ERBB4: variants seen among roughly 807,000 people sequenced by gnomAD.
The protein encoded by ERBB4 is receptor tyrosine-protein kinase erbB-4.
ERBB4 carries 42 observed loss-of-function variants against 158.0 expected under a neutral mutation model. The ratio of observed to expected loss-of-function variants is 0.27; its 90% CI spans 0.21 to 0.34. The LOEUF (loss-of-function observed/expected upper bound fraction) is 0.34. ERBB4 is among the 10% of genes least tolerant of loss of function. The probability of loss-of-function intolerance (pLI) is 1.00; values close to 1 mark genes in which losing one functional copy is unlikely to be tolerated. For synonymous variants in ERBB4, 583 were observed against 558.7 expected, an observed-to-expected ratio of 1.04 and a Z score of -0.61; for missense variants, 1,333 against 1,624.1, an observed-to-expected ratio of 0.82 and a Z score of 3.08.
chr2:212,029,263 C>T (rs2076845937), intron 2 of ERBB4, among the ~76,000 whole-genome samples: 3 of 152,102 alleles, frequency 2.0e-5, no homozygotes, highest in Admixed American at 2.0e-4. Flanking sequence ...AGAGCTGTAA[C>T]ACTGCCTCTT....
intron 4 of ERBB4, among the ~76,000 whole-genome samples, chr2:211,754,345 T>A (rs1261882342): frequency 2.0e-5 from 3 of 152,004 alleles, no homozygotes; most frequent in East Asian, 3.9e-4. Context: ...GCTGTCCAAA[T>A]CTTCCCACTT....
At chr2:212,152,489 A>G (rs962287361) in intron 1 of ERBB4, among the ~76,000 whole-genome samples, 3 of 151,984 alleles carry the variant, frequency 2.0e-5, no homozygotes, top group East Asian at 1.9e-4. Context: ...TCCTTCTACA[A>G]TTCTTCTTTG....
chr2:211,521,875 C>T (rs1209743269), intron 20 of ERBB4, among the ~76,000 whole-genome samples: 2 of 152,134 alleles, frequency 1.3e-5, no homozygotes, highest in Non-Finnish European at 2.9e-5. Context: ...GCATGGTTTG[C>T]GAAATAGTTT....
intron 14 of ERBB4, among the ~76,000 whole-genome samples, chr2:211,671,579 ATCTATGTC>A (rs1325099415): frequency 6.6e-6 from 1 of 152,158 alleles, no homozygotes; most frequent in Non-Finnish European, 1.5e-5. Flanking sequence ...GTTTCTGTAA[ATCTATGTC>A]TAATATATAT....
At chr2:211,595,109 G>T (rs779382488) in intron 19 of ERBB4, among the ~76,000 whole-genome samples, 52 of 152,060 alleles carry the variant, frequency 3.4e-4, no homozygotes, top group Non-Finnish European at 6.9e-4. Flanking sequence ...GAATAAGAAA[G>T]ATTCAAATAA....
chr2:211,869,133 G>A (rs1357030516), intron 3 of ERBB4, among the ~76,000 whole-genome samples: 2 of 152,080 alleles, frequency 1.3e-5, no homozygotes, highest in Non-Finnish European at 2.9e-5. Flanking sequence ...CTATCATCCA[G>A]TCACACCGAA....
At chr2:211,899,754 A>G (rs1444255501) in intron 3 of ERBB4, among the ~76,000 whole-genome samples, 2 of 152,136 alleles carry the variant, frequency 1.3e-5, no homozygotes, top group African/African-American at 2.4e-5. Flanking sequence ...TGAGCTTGCC[A>G]CTAATCATCA....
intron 3 of ERBB4, among the ~76,000 whole-genome samples, chr2:211,821,054 T>C (rs1023689933): frequency 2.0e-5 from 3 of 151,766 alleles, no homozygotes; most frequent in African/African-American, 7.2e-5. Flanking sequence ...CCAGAGTAAT[T>C]TAGCAAGAGA....
intron 1 of ERBB4, among the ~76,000 whole-genome samples, chr2:212,248,902 A>C (rs1285375970): frequency 6.6e-6 from 1 of 152,074 alleles, no homozygotes; most frequent in Non-Finnish European, 1.5e-5. Context: ...CCACCTATTA[A>C]ATACATTTCT....
intron 2 of ERBB4, among the ~76,000 whole-genome samples, chr2:212,000,585 C>G (rs2076080318): frequency 6.6e-6 from 1 of 151,268 alleles, no homozygotes; most frequent in South Asian, 2.1e-4. Flanking sequence ...AATTAGGAGC[C>G]TATAAGAAAA....
At chr2:212,497,460 G>T (rs543487732) in intron 1 of ERBB4, among the ~76,000 whole-genome samples, 1 of 152,210 alleles carries the variant, frequency 6.6e-6, no homozygotes, top group African/African-American at 2.4e-5. Context: ...GACACTAGCT[G>T]CTGAAGACGT....
chr2:212,206,919 C>G (rs2082779131), intron 1 of ERBB4, among the ~76,000 whole-genome samples: 1 of 151,022 alleles, frequency 6.6e-6, no homozygotes. Flanking sequence ...GTTTCTTTTA[C>G]TCATAATTTT....
At chr2:212,150,702 T>C (rs1001056244) in intron 1 of ERBB4, among the ~76,000 whole-genome samples, 15 of 152,210 alleles carry the variant, frequency 9.9e-5, no homozygotes, top group African/African-American at 3.4e-4. Flanking sequence ...CTCATTCTTC[T>C]TGTGCTTGGT....
intron 25 of ERBB4, among the ~76,000 whole-genome samples, chr2:211,393,163 A>G (rs924680170): frequency 1.5e-4 from 23 of 152,190 alleles, no homozygotes; most frequent in Non-Finnish European, 5.9e-5. Context: ...GTCAGTCCTC[A>G]AAGTCTACTT....
At chr2:212,289,973 C>T (rs75247461) in intron 1 of ERBB4, among the ~76,000 whole-genome samples, 2,057 of 152,060 alleles carry the variant, frequency 0.014, 48 homozygotes, top group African/African-American at 0.046. Context: ...CTCCTCTATT[C>T]GTAGCATATG....
intron 1 of ERBB4, among the ~76,000 whole-genome samples, chr2:212,337,931 C>T (rs1004375967): frequency 2.6e-5 from 4 of 152,008 alleles, no homozygotes; most frequent in East Asian, 3.9e-4. Flanking sequence ...AAATCTTCTC[C>T]GGGGACTACA....
chr2:212,226,874 T>G (rs1382163620), intron 1 of ERBB4, among the ~76,000 whole-genome samples: 1 of 152,102 alleles, frequency 6.6e-6, no homozygotes, highest in Non-Finnish European at 1.5e-5. Flanking sequence ...ATCATATACC[T>G]CCTTTAAGCT....
intron 3 of ERBB4, among the ~76,000 whole-genome samples, chr2:211,808,448 T>A (rs1306574202): frequency 2.0e-5 from 3 of 152,062 alleles, no homozygotes; most frequent in Non-Finnish European, 4.4e-5. Context: ...AGATGTGTGA[T>A]GTTATTTCTG....
chr2:211,625,406 G>GA (rs1352929727), intron 17 of ERBB4, among the ~76,000 whole-genome samples: 1 of 152,120 alleles, frequency 6.6e-6, no homozygotes, highest in Admixed American at 6.6e-5. Flanking sequence ...TTAATTAGTG[G>GA]AAGATTCTTG....
Sources: allele counts gnomAD v4.1 joint callset (sites outside exome capture counted in the v4.1 genomes callset), GRCh38; gene constraint gnomAD v4.1.1; transcripts MANE v1.5; gene names NCBI Gene and HGNC (gene_info 2026-07-23, HGNC 2026-07-21).